AFF3: variants seen among roughly 807,000 people sequenced by gnomAD.
AFF3 encodes ALF transcription elongation factor 3, also known as AF4/FMR2 family member 3.
AFF3 carries 32 observed loss-of-function variants against 129.7 expected under a neutral mutation model. The observed-to-expected ratio is 0.25, with a 90% CI of 0.19 to 0.33. The LOEUF (loss-of-function observed/expected upper bound fraction) is 0.33, where lower values mean the gene tolerates loss of function less well. AFF3 is among the 10% of genes least tolerant of loss of function. AFF3 has a pLI of 1.00. For missense variants in AFF3, 1,373 were observed against 1,592.0 expected (o/e 0.86, Z 2.34); for synonymous variants, 644 against 635.4 (o/e 1.01, Z -0.20).
intron 4 of AFF3, among the ~76,000 whole-genome samples, chr2:100,042,342 A>G (rs1685508597): frequency 6.6e-6 from 1 of 152,186 alleles, no homozygotes; most frequent in African/African-American, 2.4e-5. Context: ...CATTTTCTCT[A>G]GAGCATAAGT....
chr2:100,115,500 G>T (rs1446281023), intron 2 of AFF3, among the ~76,000 whole-genome samples: 1 of 152,122 alleles, frequency 6.6e-6, no homozygotes, highest in African/African-American at 2.4e-5. Context: ...GGCTCCAGTG[G>T]GTTGAGATCA....
intron 11 of AFF3, among the ~76,000 whole-genome samples, chr2:99,706,401 C>T (rs919011648): frequency 3.3e-5 from 5 of 152,192 alleles, no homozygotes; most frequent in Admixed American, 1.3e-4. Context: ...TGCTTCTATC[C>T]GGGCTGTCAC....
At chr2:99,752,186 G>C (rs1277986026) in intron 9 of AFF3, 35 bp downstream of exon 9, 2 of 1,561,408 alleles carry the variant, frequency 1.3e-6, no homozygotes, top group African/African-American at 2.7e-5. Context: ...CTGCATGAGT[G>C]AAACATATTC....
At chr2:99,675,624 A>G (rs1687539017) in intron 11 of AFF3, among the ~76,000 whole-genome samples, 1 of 152,316 alleles carries the variant, frequency 6.6e-6, no homozygotes, top group Admixed American at 6.5e-5. Flanking sequence ...AACATATCCA[A>G]GTGGCCTCTT....
At chr2:100,066,873 C>T (rs573992054) in intron 4 of AFF3, among the ~76,000 whole-genome samples, 29 of 152,290 alleles carry the variant, frequency 1.9e-4, no homozygotes, top group African/African-American at 6.5e-4. Flanking sequence ...AATTAATCCA[C>T]GCAGCCCCTC....
intron 16 of AFF3, among the ~76,000 whole-genome samples, chr2:99,586,052 T>C (rs1433639953): frequency 6.6e-6 from 1 of 152,232 alleles, no homozygotes; most frequent in African/African-American, 2.4e-5. Context: ...TTTCATATCA[T>C]ATTGCAGTTG....
chr2:99,731,860 G>C (rs1679859845), intron 10 of AFF3, among the ~76,000 whole-genome samples: 1 of 152,084 alleles, frequency 6.6e-6, no homozygotes, highest in Non-Finnish European at 1.5e-5. Flanking sequence ...TCAAGCTAAG[G>C]TTATGTTCTC....
intron 8 of AFF3, among the ~76,000 whole-genome samples, chr2:99,765,963 G>T (rs1442599462): frequency 6.6e-6 from 1 of 152,208 alleles, no homozygotes; most frequent in Non-Finnish European, 1.5e-5. Flanking sequence ...CTAGAAATCA[G>T]CATACATCCT....
chr2:99,720,536 C>T (rs749117776), intron 11 of AFF3, among the ~76,000 whole-genome samples: 4 of 152,124 alleles, frequency 2.6e-5, no homozygotes, highest in Admixed American at 6.5e-5. Context: ...TGCAGAACCG[C>T]GAGCTAAGGA....
In AFF3 at chr2:99,593,868, T is replaced by G. The variant is rs1679003456; in HGVS notation, c.1793A>C (p.Asp598Ala). 6.4e-7 allele frequency: 1 copy of G among 1,556,860 alleles called. No homozygotes were observed. Among genetic ancestry groups the G allele is most frequent in the Non-Finnish European group, 8.7e-7 (1 of 1,155,858 alleles). The change falls in exon 15 of 25, where the codon GAC (aspartate) becomes GCC (alanine). Residue 598 changes from aspartate to alanine, a missense_variant. Physicochemically the swap from Asp to Ala is moderately radical, Grantham distance 126. Around this residue, in one of 9 missense-constraint regions of AFF3, gnomAD observed 466 missense variants for 505.0 expected, o/e 0.92. Coordinates refer to ENST00000672756, the MANE Select transcript of AFF3 (RefSeq NM_001386135.1). ...CTCGGGCCGGTGGCAGTTGGCGCCG[T>G]CCCCGGCTGAGGTCCTCTCGGTGCG... ...TRRTERTSAG[D>A]GANCHRPEEP...
At chr2:99,704,515 T>C (rs1677177573) in intron 11 of AFF3, among the ~76,000 whole-genome samples, 1 of 152,154 alleles carries the variant, frequency 6.6e-6, no homozygotes, top group African/African-American at 2.4e-5. Flanking sequence ...TTGCCCACTC[T>C]TGGTCTTGGG....
intron 7 of AFF3, among the ~76,000 whole-genome samples, chr2:99,887,886 G>T (rs997922472): frequency 4.6e-5 from 7 of 152,152 alleles, no homozygotes; most frequent in African/African-American, 7.2e-5. Flanking sequence ...TCATTCAGCT[G>T]TGTAGGGAAG....
chr2:99,646,190 C>T (rs764976881), intron 13 of AFF3, among the ~76,000 whole-genome samples: 5 of 152,168 alleles, frequency 3.3e-5, no homozygotes, highest in Non-Finnish European at 7.3e-5. Context: ...CCGGCCTTGT[C>T]TAAATGTCCT....
intron 11 of AFF3, among the ~76,000 whole-genome samples, chr2:99,680,240 A>G (rs1674399364): frequency 6.6e-6 from 1 of 152,172 alleles, no homozygotes; most frequent in South Asian, 2.1e-4. Context: ...CAAAAAACTG[A>G]GGCTTTAGAA....
intron 8 of AFF3, among the ~76,000 whole-genome samples, chr2:99,799,566 T>C (rs972287185): frequency 2.0e-5 from 3 of 152,082 alleles, no homozygotes; most frequent in Non-Finnish European, 2.9e-5. Context: ...GTAGATTCAA[T>C]GCAATCATAA....
intron 13 of AFF3, among the ~76,000 whole-genome samples, chr2:99,643,583 G>T (rs1432273336): frequency 1.3e-5 from 2 of 152,160 alleles, no homozygotes; most frequent in African/African-American, 4.8e-5. Flanking sequence ...ATGGCCAGGG[G>T]ACTGGGTGAC....
At chr2:99,585,783 C>T (rs1678048983) in intron 16 of AFF3, among the ~76,000 whole-genome samples, 1 of 152,072 alleles carries the variant, frequency 6.6e-6, no homozygotes, top group African/African-American at 2.4e-5. Flanking sequence ...GGCTGGAGTG[C>T]CATGGCACAA....
intron 2 of AFF3, among the ~76,000 whole-genome samples, chr2:100,119,549 A>G (rs1691867659): frequency 6.6e-6 from 1 of 152,254 alleles, no homozygotes; most frequent in African/African-American, 2.4e-5. Flanking sequence ...ACTTTGCAAA[A>G]CAATGAAAGA....
At chr2:99,755,346 G>A (rs867000016) in intron 8 of AFF3, among the ~76,000 whole-genome samples, 3 of 150,222 alleles carry the variant, frequency 2.0e-5, no homozygotes, top group Admixed American at 6.7e-5. Context: ...TCAGCTCACC[G>A]CGACCTCTGC....
Sources: allele counts gnomAD v4.1 joint callset (sites outside exome capture counted in the v4.1 genomes callset), GRCh38; gene constraint gnomAD v4.1.1; regional missense constraint gnomAD v4.1.1; transcripts MANE v1.5; gene names NCBI Gene and HGNC (gene_info 2026-07-23, HGNC 2026-07-21).